The following KSR2 variants were observed in gnomAD, a reference collection of about 807,000 sequenced individuals.
KSR2 encodes kinase suppressor of ras 2.
Under a neutral mutation model 107.8 loss-of-function variants are expected in KSR2, and 25 were observed. The observed-to-expected ratio is 0.23, with a 90% CI of 0.17 to 0.32. The LOEUF (loss-of-function observed/expected upper bound fraction) is 0.32, where lower values mean the gene tolerates loss of function less well. Ranked by LOEUF, KSR2 falls within the 10% of genes least tolerant of loss-of-function variation. KSR2 has a pLI of 1.00. For synonymous variants in KSR2, 480 were observed against 507.0 expected (o/e 0.95, Z 0.71); for missense variants, 887 against 1,268.9 (o/e 0.70, Z 4.57).
chr12:117,668,014 C>T (rs1473783882), intron 4 of KSR2, among the ~76,000 whole-genome samples: 5 of 152,198 alleles, frequency 3.3e-5, no homozygotes. Context: ...TCCAAGCCCC[C>T]AACCCGTGGC....
chr12:117,733,607 A>T (rs1305118160), intron 4 of KSR2, among the ~76,000 whole-genome samples: 1 of 152,176 alleles, frequency 6.6e-6, no homozygotes, highest in Non-Finnish European at 1.5e-5. Context: ...AGCCTGCTGT[A>T]TTTACTCCCT....
chr12:117,849,580 G>T (rs967873802), intron 3 of KSR2, among the ~76,000 whole-genome samples: 2 of 152,174 alleles, frequency 1.3e-5, no homozygotes, highest in African/African-American at 2.4e-5. Context: ...AATGAGTTAA[G>T]ATTTCCTATC....
At position 117,750,359 on chromosome 12, in the gene KSR2, A is replaced by G. The variant is rs180940264; in HGVS notation, c.986+10652T>C. Among the ~76,000 whole-genome samples the G allele has an allele frequency of 2.6e-3, 392 of 151,968 alleles. 1 individual carries two copies. Among genetic ancestry groups the G allele is most frequent in the African/African-American group, 8.8e-3 (367 of 41,508 alleles). ...ACTAGAAATAATTATTTTATGTTAT[A>G]GAATATATACATATAATGCTATTAA... On this transcript the variant is annotated intron_variant, in intron 4 of 19. Coordinates refer to ENST00000339824, the MANE Select transcript of KSR2 (RefSeq NM_173598.6).
chr12:117,922,243 T>C (rs1420083643), intron 1 of KSR2, among the ~76,000 whole-genome samples: 2 of 152,218 alleles, frequency 1.3e-5, no homozygotes, highest in East Asian at 1.9e-4. Flanking sequence ...GCCAATCTAA[T>C]GCAAATGCTT....
intron 1 of KSR2, among the ~76,000 whole-genome samples, chr12:117,947,178 G>GAAAGA (rs1896205408): frequency 1.0e-5 from 1 of 97,686 alleles, no homozygotes. Flanking sequence ...AAGAAAGAAA[G>GAAAGA]AAAGAAAGAA....
At chr12:117,711,782 C>G (rs1886792970) in intron 4 of KSR2, among the ~76,000 whole-genome samples, 1 of 152,198 alleles carries the variant, frequency 6.6e-6, no homozygotes, top group Non-Finnish European at 1.5e-5. Flanking sequence ...GCAGAGATGC[C>G]CTTAGCTCTC....
At chr12:117,893,113 G>A (rs1894399430) in intron 1 of KSR2, among the ~76,000 whole-genome samples, 1 of 151,594 alleles carries the variant, frequency 6.6e-6, no homozygotes, top group Non-Finnish European at 1.5e-5. Context: ...AACCTCCCAG[G>A]CTCAAGCCAT....
chr12:117,875,856 T>TCC (rs1190035076), intron 1 of KSR2, among the ~76,000 whole-genome samples: 3 of 151,172 alleles, frequency 2.0e-5, no homozygotes, highest in African/African-American at 7.3e-5. Flanking sequence ...TGGTTACGCC[T>TCC]CCCCCCCACC....
intron 5 of KSR2, among the ~76,000 whole-genome samples, chr12:117,592,040 A>G (rs1880352470): frequency 6.6e-6 from 1 of 151,654 alleles, no homozygotes; most frequent in African/African-American, 2.4e-5. Context: ...AACTAGAAAA[A>G]CCTTCAGGAT....
intron 3 of KSR2, among the ~76,000 whole-genome samples, chr12:117,815,939 C>T (rs1346941988): frequency 6.7e-6 from 1 of 149,786 alleles, no homozygotes; most frequent in East Asian, 2.0e-4. Context: ...GGTGCCACTT[C>T]ACTCCAGCCT....
chr12:117,968,415 G>A lies in KSR2; in HGVS notation c.-160C>T. 7.5e-7 allele frequency: 1 copy of A among 1,325,704 alleles called. No homozygotes were observed. Among genetic ancestry groups the A allele is most frequent in the Non-Finnish European group, 9.6e-7 (1 of 1,045,616 alleles). The allele number at this position is 1,325,704 out of a possible 1,614,324, so 82.1% of individuals were successfully genotyped here. On this transcript the variant is annotated 5_prime_UTR_variant, in exon 1 of 20. Coordinates refer to ENST00000339824, the MANE Select transcript of KSR2 (RefSeq NM_173598.6). ...CATCTCACACAGGGTTGAGGGGGTGGGAGTGGGAGGAGGGGACAAGAGCCA... is the reference window on the plus strand; with the variant it reads ...CATCTCACACAGGGTTGAGGGGGTGAGAGTGGGAGGAGGGGACAAGAGCCA...
chr12:117,480,265 T>G (rs61937214), intron 16 of KSR2, among the ~76,000 whole-genome samples: 1 of 152,066 alleles, frequency 6.6e-6, no homozygotes, highest in East Asian at 2.0e-4. Flanking sequence ...TCCTGACTCA[T>G]GGGGTCAGCA....
chr12:117,609,824 T>C (rs1018386242), intron 5 of KSR2, among the ~76,000 whole-genome samples: 1 of 152,186 alleles, frequency 6.6e-6, no homozygotes, highest in African/African-American at 2.4e-5. Context: ...GGCATTCCAC[T>C]GCATTCTCTC....
chr12:117,489,999 C>T (rs1592922347), intron 14 of KSR2, among the ~76,000 whole-genome samples: 2 of 152,302 alleles, frequency 1.3e-5, no homozygotes, highest in East Asian at 3.9e-4. Context: ...TGAGTATGTG[C>T]TTAGGACCTA....
At chr12:117,552,139 G>A (rs574373553) in intron 9 of KSR2, among the ~76,000 whole-genome samples, 1 of 152,328 alleles carries the variant, frequency 6.6e-6, no homozygotes, top group African/African-American at 2.4e-5. Context: ...AATAACAAAG[G>A]AAAAGTGGAC....
intron 4 of KSR2, among the ~76,000 whole-genome samples, chr12:117,679,514 C>T (rs1463048793): frequency 6.6e-6 from 1 of 152,218 alleles, no homozygotes; most frequent in Non-Finnish European, 1.5e-5. Flanking sequence ...GCAACCCTGA[C>T]TTGTGTATCA....
intron 3 of KSR2, among the ~76,000 whole-genome samples, chr12:117,800,589 A>T (rs1890798443): frequency 2.6e-5 from 4 of 152,040 alleles, no homozygotes; most frequent in African/African-American, 7.3e-5. Context: ...TTTATTTTTT[A>T]AATGTTATTT....
At chr12:117,787,450 T>C (rs955983204) in intron 3 of KSR2, among the ~76,000 whole-genome samples, 6 of 152,058 alleles carry the variant, frequency 3.9e-5, no homozygotes, top group Admixed American at 3.9e-4. Flanking sequence ...CTGGCCAAGA[T>C]GGTGAAACTC....
intron 4 of KSR2, among the ~76,000 whole-genome samples, chr12:117,730,021 G>C (rs1010329722): frequency 2.6e-5 from 4 of 152,190 alleles, no homozygotes; most frequent in Admixed American, 6.5e-5. Flanking sequence ...GGGCCAAATG[G>C]TAAATATTGT....
Sources: allele counts gnomAD v4.1 joint callset (sites outside exome capture counted in the v4.1 genomes callset), GRCh38; gene constraint gnomAD v4.1.1; transcripts MANE v1.5; gene names NCBI Gene and HGNC (gene_info 2026-07-23, HGNC 2026-07-21).